The following ARAP2 variants were observed in gnomAD, a reference collection of about 807,000 sequenced individuals.
ARAP2 encodes ArfGAP with RhoGAP domain, ankyrin repeat and PH domain 2.
In ARAP2, 148 loss-of-function variants were observed where a neutral mutation model predicts 194.5. The ratio of observed to expected loss-of-function variants is 0.76; its 90% CI spans 0.67 to 0.87. ARAP2 has a LOEUF of 0.87. Ranked by LOEUF, ARAP2 falls within the 40% of genes least tolerant of loss-of-function variation. ARAP2 has a pLI of 0.00. For missense variants in ARAP2, 2,128 were observed against 1,989.7 expected (o/e 1.07, Z -1.32); for synonymous variants, 695 against 683.5 (o/e 1.02, Z -0.26).
intron 5 of ARAP2, among the ~76,000 whole-genome samples, chr4:36,033,600 C>A (rs752361702): frequency 6.6e-5 from 10 of 151,806 alleles, no homozygotes; most frequent in Non-Finnish European, 1.0e-4. Flanking sequence ...TGTAGACCCT[C>A]TGTTTACTAT....
At chr4:36,093,451 C>T (rs1447811113) in intron 27 of ARAP2, among the ~76,000 whole-genome samples, 1 of 151,882 alleles carries the variant, frequency 6.6e-6, no homozygotes, top group Non-Finnish European at 1.5e-5. Context: ...GCAATAATTG[C>T]TACAATTTAT....
intron 5 of ARAP2, among the ~76,000 whole-genome samples, chr4:36,031,944 C>T (rs1045094947): frequency 2.1e-4 from 32 of 152,144 alleles, no homozygotes; most frequent in Admixed American, 2.1e-3. Flanking sequence ...GCTGGGATTA[C>T]AGACATGAGC....
chr4:36,197,724 C>G (rs1743433016), intron 6 of ARAP2, among the ~76,000 whole-genome samples: 1 of 152,196 alleles, frequency 6.6e-6, no homozygotes, highest in South Asian at 2.1e-4. Flanking sequence ...AGTGAGGCAC[C>G]CCAGCTGCTG....
Position 36,128,578 on chromosome 4 carries a change from C to T in ARAP2, c.3595G>A (p.Ala1199Thr). The T allele has an allele frequency of 6.2e-7, 1 of 1,612,652 alleles. No individual in the cohort carries two copies. Among genetic ancestry groups the T allele is most frequent in the South Asian group, 1.1e-5 (1 of 91,046 alleles). Residue 1199 changes from alanine (A) to threonine (T), a missense_variant, in exon 21 of 33, where the codon GCA (alanine) becomes ACA (threonine). Physicochemically the swap from Ala to Thr is moderately conservative, Grantham distance 58 (BLOSUM62 0). Coordinates refer to ENST00000303965, the MANE Select transcript of ARAP2 (RefSeq NM_015230.4). ...LKSFLSDIDD[A>T]LLTKELYPYW... is the part of the protein sequence containing the mutation. Reference sequence around the variant, plus strand: ...GGGTAGAGCTCCTTAGTAAGCAGTGCATCATCAATGTCAGAGAGAAAACTT... The same window carrying T: ...GGGTAGAGCTCCTTAGTAAGCAGTGTATCATCAATGTCAGAGAGAAAACTT...
rs1343329609 is a variant in ARAP2 at position 36,067,304 on chromosome 4, C to T, written c.*603G>A. 6.6e-6 allele frequency: 1 copy of T among 152,610 alleles called. No individual in the cohort carries two copies. The highest frequency in any genetic ancestry group is 2.4e-5 in the African/African-American group (1 of 41,428). 9.5% of individuals were successfully genotyped at this position (152,610 alleles called of 1,614,324 possible). On this transcript the variant is annotated 3_prime_UTR_variant, in exon 33 of 33. Coordinates refer to ENST00000303965, the MANE Select transcript of ARAP2 (RefSeq NM_015230.4). Reference sequence around the variant, plus strand: ...ACAAGTGGTTTCTCATTGACAAGTTCTGGTCATTAGTGAACTAGAATGAAT... The same window carrying T: ...ACAAGTGGTTTCTCATTGACAAGTTTTGGTCATTAGTGAACTAGAATGAAT...
intron 19 of ARAP2, among the ~76,000 whole-genome samples, chr4:36,138,042 A>G (rs1026821932): frequency 1.3e-5 from 2 of 151,756 alleles, no homozygotes; most frequent in African/African-American, 4.8e-5. Flanking sequence ...CATCCTAGGC[A>G]TGTTGGAAAT....
At chr4:36,098,723 A>T (rs1396345616) in intron 27 of ARAP2, among the ~76,000 whole-genome samples, 1 of 151,976 alleles carries the variant, frequency 6.6e-6, no homozygotes, top group East Asian at 1.9e-4. Context: ...GTTTTCTTTG[A>T]TTCTGTACAA....
At chr4:36,137,048 A>G (rs1727011890) in intron 19 of ARAP2, among the ~76,000 whole-genome samples, 1 of 151,916 alleles carries the variant, frequency 6.6e-6, no homozygotes, top group Non-Finnish European at 1.5e-5. Flanking sequence ...GAGTATAACA[A>G]GATGAGCATA....
intron 1 of ARAP2, among the ~76,000 whole-genome samples, chr4:36,238,844 T>C (rs780039932): frequency 6.6e-6 from 1 of 152,192 alleles, no homozygotes; most frequent in Admixed American, 6.5e-5. Context: ...TATAGTACAA[T>C]TGATATAATG....
At chr4:36,211,358 T>G (rs191693251) in intron 5 of ARAP2, among the ~76,000 whole-genome samples, 1 of 152,302 alleles carries the variant, frequency 6.6e-6, no homozygotes, top group East Asian at 1.9e-4. Context: ...TAATGCACAA[T>G]ATTTATTGGA....
chr4:36,111,513 G>C (rs188907586), intron 26 of ARAP2, among the ~76,000 whole-genome samples: 116 of 151,920 alleles, frequency 7.6e-4, no homozygotes, highest in Middle Eastern at 3.4e-3. Flanking sequence ...TTCTTTCTAG[G>C]TGTACATGAC....
Position 36,193,561 on chromosome 4 carries a change from CTG to C in ARAP2, c.1557+15_1557+16del. On this transcript the variant is annotated intron_variant, in intron 7 of 32. Coordinates refer to ENST00000303965, the MANE Select transcript of ARAP2 (RefSeq NM_015230.4). ...TGCATAAAAAAGCAATTTTTGAAAA[CTG>C]TAAAATGTATTTACCTTCTCATTAT... is the stretch of plus-strand genomic sequence containing the variant. The C allele has an allele frequency of 6.5e-7, 1 of 1,545,864 alleles. No homozygotes were observed. Among genetic ancestry groups the C allele is most frequent in the Non-Finnish European group, 8.7e-7 (1 of 1,148,094 alleles).
chr4:36,241,072 A>G (rs1753413686), intron 1 of ARAP2, among the ~76,000 whole-genome samples: 1 of 152,222 alleles, frequency 6.6e-6, no homozygotes. Flanking sequence ...TCTAATGTAG[A>G]GAGATCCCTA....
At chr4:36,123,479 G>A (rs535445535) in intron 22 of ARAP2, among the ~76,000 whole-genome samples, 1 of 151,718 alleles carries the variant, frequency 6.6e-6, no homozygotes, top group Admixed American at 6.6e-5. Flanking sequence ...TTTAATTTAA[G>A]TGGCTGCCTT....
intron 19 of ARAP2, among the ~76,000 whole-genome samples, chr4:36,141,233 A>AT (rs1210828825): frequency 3.1e-4 from 47 of 151,588 alleles, no homozygotes; most frequent in East Asian, 5.8e-4. Flanking sequence ...ATTTGACAAT[A>AT]TTATTTTTTT....
intron 5 of ARAP2, among the ~76,000 whole-genome samples, chr4:36,043,445 G>C (rs1352742266): frequency 6.6e-6 from 1 of 152,014 alleles, no homozygotes; most frequent in African/African-American, 2.4e-5. Flanking sequence ...AAGATATCGG[G>C]GCAACATTCC....
chr4:36,098,938 T>C (rs1716081266), intron 27 of ARAP2, among the ~76,000 whole-genome samples: 1 of 152,066 alleles, frequency 6.6e-6, no homozygotes, highest in Non-Finnish European at 1.5e-5. Context: ...TGTGCAGATT[T>C]GTTACATAGT....
At chr4:36,207,983 G>C (rs149544911) in intron 6 of ARAP2, among the ~76,000 whole-genome samples, 52 of 152,254 alleles carry the variant, frequency 3.4e-4, no homozygotes, top group African/African-American at 1.1e-3. Flanking sequence ...CAAATACTAA[G>C]CATCTACCAC....
chr4:36,080,452 T>C (rs1478284602), intron 30 of ARAP2, among the ~76,000 whole-genome samples, 173 bp from the exon 31 acceptor site: 1 of 152,200 alleles, frequency 6.6e-6, no homozygotes, highest in East Asian at 1.9e-4. Context: ...TTCTGCTAAA[T>C]GTACAATACG....
Sources: allele counts gnomAD v4.1 joint callset (sites outside exome capture counted in the v4.1 genomes callset), GRCh38; gene constraint gnomAD v4.1.1; transcripts MANE v1.5; gene names NCBI Gene and HGNC (gene_info 2026-07-23, HGNC 2026-07-21).